The following HEG1 variants were observed in gnomAD, a reference collection of about 807,000 sequenced individuals.
HEG1 encodes the protein protein HEG homolog 1.
HEG1 carries 56 observed loss-of-function variants against 125.6 expected under a neutral mutation model. The ratio of observed to expected loss-of-function variants is 0.45; its 90% CI spans 0.36 to 0.56. HEG1 has a LOEUF of 0.56. Among genes scored for constraint, HEG1 ranks in the 20% least tolerant of loss-of-function variants. HEG1 has a pLI of 0.00. For missense variants in HEG1, 1,523 were observed against 1,670.0 expected, an observed-to-expected ratio of 0.91 and a Z score of 1.53; for synonymous variants, 644 against 668.5, an observed-to-expected ratio of 0.96 and a Z score of 0.57.
At position 124,977,862 on chromosome 3, in the gene HEG1, C is replaced by A; in HGVS notation, c.3818G>T (p.Cys1273Phe). ...AACCTGAACTCTCATCACTTACCTGCAACAGGTAACAATCAGTGCGATGCC... is the reference window on the plus strand; with the variant it reads ...AACCTGAACTCTCATCACTTACCTGAAACAGGTAACAATCAGTGCGATGCC... ...ILGIALIVTC[C>F]RKNKNDISKL... Residue 1273 changes from cysteine to phenylalanine, a missense_variant, in exon 15 of 17, where the codon TGC (cysteine) becomes TTC (phenylalanine). Coordinates refer to ENST00000311127, the MANE Select transcript of HEG1 (RefSeq NM_020733.2). The A allele has an allele frequency of 6.4e-7, 1 of 1,559,978 alleles. No homozygotes were observed. Among genetic ancestry groups the A allele is most frequent in the Non-Finnish European group, 8.7e-7 (1 of 1,149,690 alleles).
chr3:125,040,297 A>T (rs539879413), intron 1 of HEG1, among the ~76,000 whole-genome samples: 1 of 152,192 alleles, frequency 6.6e-6, no homozygotes, highest in Non-Finnish European at 1.5e-5. Flanking sequence ...ACTTGAATGT[A>T]GAGACAGGAG....
chr3:125,031,830 ACG>A lies in HEG1; in HGVS notation c.317-2344_317-2343del, dbSNP rs1937507333. 1.5e-4 allele frequency among the ~76,000 whole-genome samples: 22 copies of A among 151,552 alleles called. No individual in the cohort carries two copies. In the South Asian group the frequency reaches 3.7e-3, roughly 26 times the overall value. On this transcript the variant is annotated intron_variant, in intron 1 of 16. Coordinates refer to ENST00000311127, the MANE Select transcript of HEG1 (RefSeq NM_020733.2). ...CACAGGCATGCATACACACACACAC[ACG>A]CACACACACATACACACGGAACAAG...
intron 5 of HEG1, among the ~76,000 whole-genome samples, chr3:125,016,394 A>G (rs1937247308): frequency 6.6e-6 from 1 of 152,202 alleles, no homozygotes; most frequent in Non-Finnish European, 1.5e-5. Context: ...GAACTCCAAG[A>G]TCTGATCACA....
In HEG1 at chr3:125,020,790, AC is replaced by A. The variant is rs755675129; in HGVS notation, c.1252+1del. The A allele has an allele frequency of 6.2e-7, 1 of 1,609,848 alleles. No homozygotes were observed. The highest frequency in any genetic ancestry group is 1.7e-5 in the Admixed American group (1 of 59,870). Reference sequence around the variant, plus strand: ...TAGATCAAGTAAAGATGGAATACTTACTTGGGGAATCATTTTGCCAACGCAA... The same window carrying A: ...TAGATCAAGTAAAGATGGAATACTTATTGGGGAATCATTTTGCCAACGCAA... On this transcript the variant is annotated splice_donor_variant, in intron 4 of 16. Transcript: ENST00000311127. LOFTEE classifies it high-confidence loss of function.
chr3:124,992,011 C>T (rs1936842127), intron 12 of HEG1, among the ~76,000 whole-genome samples: 1 of 152,196 alleles, frequency 6.6e-6, no homozygotes, highest in Admixed American at 6.5e-5. Context: ...AGACATATGG[C>T]TCCCCTTCTT....
At chr3:124,998,407 A>G (rs987918257) in intron 11 of HEG1, among the ~76,000 whole-genome samples, 1 of 152,174 alleles carries the variant, frequency 6.6e-6, no homozygotes, top group Admixed American at 6.5e-5. Context: ...GAGAGATCTG[A>G]AAGACAATCT....
In HEG1 at chr3:125,055,709, T is replaced by C. The variant is rs1473680886; in HGVS notation, c.182A>G (p.Glu61Gly). ...GLELQLERRP[E>G]REPPPTPPRE... ...GGGCGGCGTGGGCGGCGGCTCGCGC[T>C]CCGGGCGGCGCTCCAGCTGCAGCTC... The change falls in exon 1 of 17, where the codon GAG becomes GGG. Residue 61 changes from glutamate (E) to glycine (G), a missense_variant. Coordinates refer to ENST00000311127, the MANE Select transcript of HEG1 (RefSeq NM_020733.2). The C allele has an allele frequency of 1.9e-6, 2 of 1,070,766 alleles. No homozygotes were observed. Among genetic ancestry groups the C allele is most frequent in the Non-Finnish European group, 2.3e-6 (2 of 887,434 alleles). The allele number at this position is 1,070,766 out of a possible 1,614,324, so 66.3% of individuals were successfully genotyped here. A position where few individuals can be genotyped will look rare whatever the true frequency, so the allele number is the denominator to read the frequency against.
In HEG1 at chr3:125,021,108, A is replaced by C. The variant is rs1937329960; in HGVS notation, c.936T>G (p.Leu312=). The C allele has an allele frequency of 6.3e-7, 1 of 1,578,138 alleles. No homozygotes were observed. The highest frequency in any genetic ancestry group is 1.3e-5 in the African/African-American group (1 of 74,284). The change falls in exon 4 of 17, where the codon CTT becomes CTG. Residue 312 remains leucine (L), a synonymous_variant. Transcript: ENST00000311127. ...AGCTCTGGAGGCCAGTGGAGTTGTT[A>C]AGCTTCTCTGTACTTTCAGAAGCTA... The part of the protein sequence containing the change: ...LSSSSESTEK[L]NNSTGLQSSS...
intron 14 of HEG1, 137 bp from the exon 15 acceptor site, chr3:124,978,083 C>T (rs1293234397): frequency 3.3e-6 from 2 of 597,952 alleles, no homozygotes; most frequent in Admixed American, 2.8e-5. Context: ...TTCCTACTCT[C>T]TGGCAAGGGA....
intron 12 of HEG1, among the ~76,000 whole-genome samples, chr3:124,991,763 C>T (rs1936837548): frequency 1.3e-5 from 2 of 152,198 alleles, no homozygotes; most frequent in Non-Finnish European, 2.9e-5. Context: ...AGGGGCCCGC[C>T]ACAAAGCCTG....
rs1037842646 is a variant in HEG1, at chr3:124,966,463, C to T, written c.*4189G>A. 1 of 152,120 alleles carries T rather than the reference C, an allele frequency of 6.6e-6. No individual in the cohort carries two copies. The highest frequency in any genetic ancestry group is 2.4e-5 in the African/African-American group (1 of 41,412). The allele number at this position is 152,120 out of a possible 1,614,324, so 9.4% of individuals were successfully genotyped here. ...AGATTTAAGAAAAAAAGAAAACATA[C>T]CCAAAGGCAAACTCTACAAAACCAG... is the stretch of plus-strand genomic sequence containing the variant. On this transcript the variant is annotated 3_prime_UTR_variant, in exon 17 of 17. Transcript: ENST00000311127.
chr3:125,011,354 G>GCCAAA (rs1937155315), intron 6 of HEG1, among the ~76,000 whole-genome samples: 1 of 152,112 alleles, frequency 6.6e-6, no homozygotes, highest in Non-Finnish European at 1.5e-5. Context: ...TAGAAGCACA[G>GCCAAA]CACTTATATA....
intron 9 of HEG1, 117 bp downstream of exon 9, chr3:125,005,148 T>C (rs1937054051): frequency 3.1e-6 from 2 of 648,220 alleles, no homozygotes; most frequent in South Asian, 1.9e-5. Context: ...CCCTTCCAAA[T>C]ATAACAAAAG....
At chr3:125,033,167 T>A (rs1344118272) in intron 1 of HEG1, among the ~76,000 whole-genome samples, 1 of 152,192 alleles carries the variant, frequency 6.6e-6, no homozygotes, top group Non-Finnish European at 1.5e-5. Context: ...TTTAAAAAAA[T>A]TTCTAAAAGC....
At chr3:125,032,420 G>C (rs553752107) in intron 1 of HEG1, among the ~76,000 whole-genome samples, 2 of 152,214 alleles carry the variant, frequency 1.3e-5, no homozygotes, top group Non-Finnish European at 2.9e-5. Context: ...GCTTCCTGGA[G>C]GGGGAGGGAA....
chr3:125,014,432 C>G (rs1444050063), intron 5 of HEG1, among the ~76,000 whole-genome samples: 2 of 151,884 alleles, frequency 1.3e-5, no homozygotes, highest in East Asian at 3.8e-4. Flanking sequence ...TATTTCTTTC[C>G]CAGGAGATTG....
chr3:124,993,192 C>T, intron 12 of HEG1, among the ~76,000 whole-genome samples: 1 of 152,216 alleles, frequency 6.6e-6, no homozygotes, highest in Non-Finnish European at 1.5e-5. Flanking sequence ...AGCAAGCGTG[C>T]AGGACCCTGC....
chr3:124,996,424 T>C (rs1367074872), intron 12 of HEG1, among the ~76,000 whole-genome samples: 1 of 152,092 alleles, frequency 6.6e-6, no homozygotes, highest in East Asian at 1.9e-4. Flanking sequence ...CACTTTGCAT[T>C]AAAGCAGATA....
At chr3:124,984,613 AC>A (rs1186239756) in intron 14 of HEG1, among the ~76,000 whole-genome samples, 1 of 151,958 alleles carries the variant, frequency 6.6e-6, no homozygotes, top group Non-Finnish European at 1.5e-5. Context: ...ACAAAAAGTT[AC>A]CCAGGTGTGG....
Sources: allele counts gnomAD v4.1 joint callset (sites outside exome capture counted in the v4.1 genomes callset), GRCh38; gene constraint gnomAD v4.1.1; transcripts MANE v1.5; gene names NCBI Gene and HGNC (gene_info 2026-07-23, HGNC 2026-07-21).